Variants in CBLL1 observed in about 807,000 individuals in gnomAD.
CBLL1 encodes the protein Cbl proto-oncogene like 1.
In CBLL1, 4 loss-of-function variants were observed where a neutral mutation model predicts 44.9. That is an observed-to-expected ratio of 0.09 (90% CI 0.04 to 0.20). The LOEUF (loss-of-function observed/expected upper bound fraction) is 0.20, where lower values mean the gene tolerates loss of function less well. Ranked by LOEUF, CBLL1 falls within the 10% of genes least tolerant of loss-of-function variation. The probability of loss-of-function intolerance (pLI) is 1.00; values close to 1 mark genes in which losing one functional copy is unlikely to be tolerated. For synonymous variants in CBLL1, 235 were observed against 202.2 expected, an observed-to-expected ratio of 1.16 and a Z score of -1.38; for missense variants, 569 against 636.7, an observed-to-expected ratio of 0.89 and a Z score of 1.14.
rs533175093 is a variant in CBLL1 at position 107,760,598 on chromosome 7, A to G, written c.*1420A>G. On this transcript the variant is annotated 3_prime_UTR_variant, in exon 6 of 6. Coordinates refer to ENST00000440859, the MANE Select transcript of CBLL1 (RefSeq NM_024814.4). ...AATCAACATTCTTAGGATATTATTT[A>G]TATCCTTTGAATAAATCCCTGTGAA... 6.6e-6 allele frequency: 1 copy of G among 152,366 alleles called. No individual in the cohort carries two copies. Among genetic ancestry groups the G allele is most frequent in the African/African-American group, 2.4e-5 (1 of 41,584 alleles). 9.4% of individuals were successfully genotyped at this position (152,366 alleles called of 1,614,324 possible).
chr7:107,749,131 CT>C lies in CBLL1; in HGVS notation c.181+89del, dbSNP rs779498911. The C allele has an allele frequency of 4.1e-6, 5 of 1,214,228 alleles. No homozygotes were observed. In the South Asian group the frequency reaches 7.9e-5, roughly 19 times the overall value. 75.2% of individuals were successfully genotyped at this position (1,214,228 alleles called of 1,614,324 possible). A position where few individuals can be genotyped will look rare whatever the true frequency, so the allele number is the denominator to read the frequency against. ...AGTCTGTGTGATCTTATAGCTACCT[CT>C]TTTTGTCTTACATATTCTATTCATT... is the stretch of plus-strand genomic sequence containing the variant. On this transcript the variant is annotated intron_variant, in intron 2 of 5. Coordinates refer to ENST00000440859, the MANE Select transcript of CBLL1 (RefSeq NM_024814.4).
intron 2 of CBLL1, among the ~76,000 whole-genome samples, chr7:107,753,199 T>C (rs1793381425): frequency 6.6e-6 from 1 of 152,192 alleles, no homozygotes; most frequent in African/African-American, 2.4e-5. Flanking sequence ...TACAGTAATA[T>C]TCTCAATAAT....
chr7:107,759,215 A>AG lies in CBLL1; in HGVS notation c.*37_*38insG, dbSNP rs1197205842. On this transcript the variant is annotated 3_prime_UTR_variant, in exon 6 of 6. Transcript: ENST00000440859. ...TGAATGGAAGATATGAGGGGGAAAA[A>AG]AACTTATGTGTAGTCAATCTTTTAA... is the stretch of plus-strand genomic sequence containing the variant. The AG allele has an allele frequency of 1.3e-6, 2 of 1,516,272 alleles. No homozygotes were observed. The highest frequency in any genetic ancestry group is 1.8e-6 in the Non-Finnish European group (2 of 1,127,734). 93.9% of individuals were successfully genotyped at this position (1,516,272 alleles called of 1,614,324 possible). A position where few individuals can be genotyped will look rare whatever the true frequency, so the allele number is the denominator to read the frequency against.
chr7:107,753,870 A>G, intron 3 of CBLL1, 25 bp from the exon 4 acceptor site: 1 of 1,416,148 alleles, frequency 7.1e-7, no homozygotes, highest in Non-Finnish European at 9.8e-7. Context: ...GTAAGAAGGT[A>G]ATTTTAATTA....
At chr7:107,745,885 A>G (rs778550427) in intron 1 of CBLL1, among the ~76,000 whole-genome samples, 20 of 152,208 alleles carry the variant, frequency 1.3e-4, no homozygotes, top group Non-Finnish European at 2.1e-4. Context: ...TTGGTCTTGG[A>G]CTGCTAGTGT....
intron 5 of CBLL1, 22 bp downstream of exon 5, chr7:107,755,513 C>CT: frequency 1.5e-6 from 2 of 1,371,166 alleles, no homozygotes; most frequent in Non-Finnish European, 1.0e-6. Context: ...TTATCATTAC[C>CT]TTTTTTAAAT....
rs116741107 is a variant in CBLL1, at chr7:107,749,395, T to C, written c.181+348T>C. On this transcript the variant is annotated intron_variant, in intron 2 of 5. Coordinates refer to ENST00000440859, the MANE Select transcript of CBLL1 (RefSeq NM_024814.4). The stretch of plus-strand genomic sequence containing the variant: ...TTTATGTGTAGTTGCCATTTTTTCA[T>C]GTAATATGCATTTGAGATTTTTTTC... The C allele has an allele frequency of 5.4e-3, 849 of 157,856 alleles. 6 individuals are homozygous for C. The highest frequency in any genetic ancestry group is 0.019 in the African/African-American group (813 of 41,796). The allele number at this position is 157,856 out of a possible 1,614,324, so 9.8% of individuals were successfully genotyped here. A position where few individuals can be genotyped will look rare whatever the true frequency, so the allele number is the denominator to read the frequency against.
chr7:107,755,309 A>G (rs924912808), intron 4 of CBLL1, 109 bp from the exon 5 acceptor site: 2 of 389,212 alleles, frequency 5.1e-6, no homozygotes, highest in Non-Finnish European at 4.4e-6. Flanking sequence ...TCATTTTAAC[A>G]GGTATTCTCA....
intron 5 of CBLL1, among the ~76,000 whole-genome samples, chr7:107,755,943 T>TTA (rs900341069): frequency 6.6e-6 from 1 of 151,946 alleles, no homozygotes; most frequent in Non-Finnish European, 1.5e-5. Context: ...AAATGAGGTT[T>TTA]TATATATATA....
At chr7:107,757,228 C>G (rs1395607010) in intron 5 of CBLL1, among the ~76,000 whole-genome samples, 1 of 152,118 alleles carries the variant, frequency 6.6e-6, no homozygotes, top group Non-Finnish European at 1.5e-5. Flanking sequence ...TAAATACTGT[C>G]ACTTTCATTG....
At position 107,758,864 on chromosome 7, in the gene CBLL1, C is replaced by T; in HGVS notation, c.1162C>T (p.Pro388Ser). Residue 388 changes from proline to serine, a missense_variant, in exon 6 of 6, where the codon CCT becomes TCT. Transcript: ENST00000440859. This position sits in a 1 kb window ranked among gnomAD's most constrained non-coding sequence, Gnocchi z 4.2. ...TGCTCCACCACCAATAACCCCTCCC[C>T]CTGGACATATTATTGCCCAGATGCC... ...TSAPPPITPP[P>S]GHIIAQMPPY... 1 of 1,614,022 alleles carries T rather than the reference C, an allele frequency of 6.2e-7. No homozygotes were observed. The highest frequency in any genetic ancestry group is 8.5e-7 in the Non-Finnish European group (1 of 1,179,982).
intron 1 of CBLL1, among the ~76,000 whole-genome samples, chr7:107,746,485 A>T (rs538374465): frequency 6.6e-6 from 1 of 152,192 alleles, no homozygotes; most frequent in Non-Finnish European, 1.5e-5. Context: ...CTGATTGTGA[A>T]ATAAAATTAT....
At position 107,758,488 on chromosome 7, in the gene CBLL1, T is replaced by C; in HGVS notation, c.786T>C (p.Ala262=). Residue 262 remains alanine, a synonymous_variant, in exon 6 of 6, where the codon GCT becomes GCC. Transcript: ENST00000440859. The surrounding 1 kb of genome is among the most constrained non-coding windows in gnomAD (Gnocchi z 4.2). ...HYNQPHEDIR[A]PPAELSMAPP... ...ATCAGCCACATGAGGATATTCGTGC[T>C]CCTCCAGCAGAATTGTCCATGGCTC... The C allele has an allele frequency of 6.2e-7, 1 of 1,614,116 alleles. No homozygotes were observed.
At chr7:107,744,378 C>G in intron 1 of CBLL1, 3 of 582,908 alleles carry the variant, frequency 5.1e-6, no homozygotes, top group Non-Finnish European at 8.4e-6. Context: ...CCTACCTCCT[C>G]CGTGCCGGCA....
In CBLL1 at chr7:107,750,712, A is replaced by G. The variant is rs145862787; in HGVS notation, c.181+1665A>G. On this transcript the variant is annotated intron_variant, in intron 2 of 5. Transcript: ENST00000440859. ...CAGTATAAAAGAGTTTTTCCATCTTACCCTTGATTACAGGTTAGCAAACTA... is the reference window on the plus strand; with the variant it reads ...CAGTATAAAAGAGTTTTTCCATCTTGCCCTTGATTACAGGTTAGCAAACTA... 9.4e-4 allele frequency among the ~76,000 whole-genome samples: 143 copies of G among 152,178 alleles called. 2 individuals carry two copies. The highest frequency in any genetic ancestry group is 9.2e-3 in the Admixed American group (140 of 15,296).
chr7:107,747,553 C>T (rs1793079003), intron 1 of CBLL1, among the ~76,000 whole-genome samples: 1 of 152,150 alleles, frequency 6.6e-6, no homozygotes, highest in South Asian at 2.1e-4. Context: ...ATACATTAAT[C>T]AGCTTGTGAG....
chr7:107,744,563 G>A (rs529449799), intron 1 of CBLL1: 30 of 242,892 alleles, frequency 1.2e-4, no homozygotes, highest in African/African-American at 6.0e-4. Flanking sequence ...CTTTACGCTG[G>A]GAGTGGACGG....
chr7:107,747,029 T>A (rs1295187361), intron 1 of CBLL1, among the ~76,000 whole-genome samples: 2 of 152,238 alleles, frequency 1.3e-5, no homozygotes, highest in Non-Finnish European at 2.9e-5. Flanking sequence ...CTATGTAATA[T>A]CTAAGAAATT....
At chr7:107,756,120 T>C (rs1793516690) in intron 5 of CBLL1, among the ~76,000 whole-genome samples, 1 of 152,180 alleles carries the variant, frequency 6.6e-6, no homozygotes, top group Non-Finnish European at 1.5e-5. Context: ...CATTTTGGGA[T>C]GGTCTTGAAG....
Sources: allele counts gnomAD v4.1 joint callset (sites outside exome capture counted in the v4.1 genomes callset), GRCh38; gene constraint gnomAD v4.1.1; non-coding constraint Gnocchi (gnomAD v3.1); transcripts MANE v1.5; gene names NCBI Gene and HGNC (gene_info 2026-07-23, HGNC 2026-07-21).